The following ARID5B variants were observed in gnomAD, a reference collection of about 807,000 sequenced individuals.
ARID5B encodes AT-rich interaction domain 5B, also known as AT-rich interactive domain-containing protein 5B.
ARID5B carries 13 observed loss-of-function variants against 97.2 expected under a neutral mutation model. The ratio of observed to expected loss-of-function variants is 0.13; its 90% CI spans 0.09 to 0.21. The LOEUF is 0.21. ARID5B is among the 10% of genes least tolerant of loss of function. The pLI is 1.00. For missense variants in ARID5B, 1,210 were observed against 1,465.3 expected, an observed-to-expected ratio of 0.83 and a Z score of 2.84; for synonymous variants, 556 against 570.3, an observed-to-expected ratio of 0.97 and a Z score of 0.36.
At chr10:62,029,882 C>A (rs1298421838) in intron 4 of ARID5B, among the ~76,000 whole-genome samples, 1 of 152,136 alleles carries the variant, frequency 6.6e-6, no homozygotes, top group Non-Finnish European at 1.5e-5. Flanking sequence ...TCTCCTTTAA[C>A]GATGTGGGGG....
chr10:61,968,093 A>T (rs1015827146), intron 3 of ARID5B, among the ~76,000 whole-genome samples: 3 of 147,790 alleles, frequency 2.0e-5, no homozygotes, highest in African/African-American at 7.6e-5. Context: ...AAATTACCTA[A>T]GTAAGAATTT....
At chr10:61,903,799 G>A (rs1421525560) in intron 2 of ARID5B, among the ~76,000 whole-genome samples, 1 of 151,694 alleles carries the variant, frequency 6.6e-6, no homozygotes, top group Non-Finnish European at 1.5e-5. Context: ...CTCGTCAGTG[G>A]TCTATGCCGG....
intron 2 of ARID5B, among the ~76,000 whole-genome samples, chr10:61,928,500 A>G (rs1031048296): frequency 6.6e-6 from 1 of 151,880 alleles, no homozygotes; most frequent in Non-Finnish European, 1.5e-5. Flanking sequence ...TGGGTTTTGT[A>G]CAGGCTGATC....
intron 4 of ARID5B, among the ~76,000 whole-genome samples, chr10:62,023,334 A>G (rs1456627541): frequency 6.6e-6 from 1 of 152,220 alleles, no homozygotes; most frequent in Non-Finnish European, 1.5e-5. Flanking sequence ...ATCATCATTC[A>G]TAGTATATTA....
At chr10:62,047,649 G>A (rs1839727268) in intron 4 of ARID5B, among the ~76,000 whole-genome samples, 2 of 152,088 alleles carry the variant, frequency 1.3e-5, no homozygotes, top group South Asian at 4.2e-4. Context: ...TCCTTGCAGG[G>A]TGGCTGGAAG....
intron 3 of ARID5B, among the ~76,000 whole-genome samples, chr10:61,963,818 C>T (rs10821936): frequency 0.69 from 104,108 of 151,362 alleles, 36,226 homozygotes; most frequent in African/African-American, 0.77. Flanking sequence ...TATAGTTGTA[C>T]CTAGTGTGTT....
At chr10:62,029,174 C>A (rs1260196036) in intron 4 of ARID5B, among the ~76,000 whole-genome samples, 6 of 152,122 alleles carry the variant, frequency 3.9e-5, no homozygotes, top group Non-Finnish European at 5.9e-5. Context: ...ACACTATTCT[C>A]ACCTCCATTT....
rs567103342 is a variant in ARID5B at position 61,963,773 on chromosome 10, C to T, written c.502+23365C>T. ...AGGAGACTTCGGTCATCTTTGATTA[C>T]TGTCATTACTCTAGCCCCTTCTGTG... On this transcript the variant is annotated intron_variant, in intron 3 of 9. Transcript: ENST00000279873. 2.2e-4 allele frequency among the ~76,000 whole-genome samples: 33 copies of T among 152,016 alleles called. 2 individuals carry two copies. The highest frequency in any genetic ancestry group is 7.7e-4 in the African/African-American group (32 of 41,436).
intron 3 of ARID5B, among the ~76,000 whole-genome samples, chr10:61,982,878 C>T (rs1838795888): frequency 6.6e-6 from 1 of 152,164 alleles, no homozygotes; most frequent in African/African-American, 2.4e-5. Context: ...GAAATAAACC[C>T]CCGCCAAGGT....
At chr10:61,939,822 C>T (rs1006758282) in intron 2 of ARID5B, among the ~76,000 whole-genome samples, 1 of 152,190 alleles carries the variant, frequency 6.6e-6, no homozygotes, top group African/African-American at 2.4e-5. Flanking sequence ...CTAGCTTTCA[C>T]TTTTTACATT....
intron 9 of ARID5B, among the ~76,000 whole-genome samples, chr10:62,087,298 C>CAAAAAAAAAAAAAAAAAAAAAA (rs71299289): frequency 2.4e-5 from 1 of 40,928 alleles, no homozygotes; most frequent in East Asian, 7.9e-4. Context: ...GACTCTATCT[C>CAAAAAAAAAAAAAAAAAAAAAA]AAAAAAAAAA....
intron 4 of ARID5B, among the ~76,000 whole-genome samples, chr10:62,008,130 G>A (rs1285978372): frequency 2.2e-5 from 3 of 135,716 alleles, no homozygotes; most frequent in Non-Finnish European, 4.6e-5. Flanking sequence ...AATGTATATA[G>A]GGATTTTCTG....
chr10:61,976,075 T>C (rs1838694486), intron 3 of ARID5B, among the ~76,000 whole-genome samples: 1 of 152,186 alleles, frequency 6.6e-6, no homozygotes, highest in Admixed American at 6.5e-5. Flanking sequence ...AGGAATGTAG[T>C]CTTTGCCTTT....
chr10:62,029,458 G>A (rs1288113172), intron 4 of ARID5B, among the ~76,000 whole-genome samples: 1 of 152,198 alleles, frequency 6.6e-6, no homozygotes, highest in African/African-American at 2.4e-5. Context: ...ACCAAAATGA[G>A]AATATATAGC....
At chr10:61,964,691 A>C (rs1453780780) in intron 3 of ARID5B, among the ~76,000 whole-genome samples, 1 of 152,222 alleles carries the variant, frequency 6.6e-6, no homozygotes, top group Non-Finnish European at 1.5e-5. Context: ...TTTAAAATGC[A>C]GAAGAATATT....
chr10:61,941,385 T>G (rs1189134713), intron 3 of ARID5B, among the ~76,000 whole-genome samples: 4 of 151,936 alleles, frequency 2.6e-5, no homozygotes, highest in African/African-American at 9.7e-5. Context: ...TGTCCTCTGA[T>G]TTAGACTAGT....
At chr10:61,990,547 T>A (rs1187470097) in intron 3 of ARID5B, among the ~76,000 whole-genome samples, 1 of 152,212 alleles carries the variant, frequency 6.6e-6, no homozygotes, top group Non-Finnish European at 1.5e-5. Flanking sequence ...CAACACTGTC[T>A]GTAGGCAATT....
chr10:62,041,645 T>C (rs1257299704), intron 4 of ARID5B, among the ~76,000 whole-genome samples: 1 of 152,280 alleles, frequency 6.6e-6, no homozygotes, highest in Non-Finnish European at 1.5e-5. Flanking sequence ...AAGTTAAATA[T>C]CTCCATGTTA....
chr10:61,971,483 C>A (rs948561778), intron 3 of ARID5B, among the ~76,000 whole-genome samples: 19 of 152,182 alleles, frequency 1.2e-4, no homozygotes, highest in Admixed American at 9.8e-4. Context: ...TCTAATAATG[C>A]AAAGTCAGTA....
Sources: gnomAD v4.1 joint callset for allele counts (sites outside exome capture counted in the v4.1 genomes callset) on GRCh38, gnomAD v4.1.1 for gene constraint, MANE v1.5 for transcripts, NCBI Gene and HGNC (gene_info 2026-07-23, HGNC 2026-07-21) for gene names.